The following SERPINA12 variants were observed in gnomAD, a reference collection of about 807,000 sequenced individuals.
The protein encoded by SERPINA12 is serpin family A member 12, also known as serpin A12.
Under a neutral mutation model 25.9 loss-of-function variants are expected in SERPINA12, and 21 were observed. The observed-to-expected ratio is 0.81, with a 90% CI of 0.58 to 1.17. The LOEUF (loss-of-function observed/expected upper bound fraction) is 1.17. Among genes scored for constraint, SERPINA12 ranks in the 50% most tolerant of loss-of-function variants. SERPINA12 has a pLI of 0.00. For synonymous variants in SERPINA12, 220 were observed against 196.0 expected, an observed-to-expected ratio of 1.12 and a Z score of -1.02; for missense variants, 562 against 508.3, an observed-to-expected ratio of 1.11 and a Z score of -1.02.
chr14:94,496,432 G>A lies in SERPINA12; in HGVS notation c.846C>T (p.His282=), dbSNP rs1166897176. The change falls in exon 3 of 5, where the codon CAC becomes CAT. Residue 282 remains histidine (H), a synonymous_variant. Transcript: ENST00000677451. ...TGTCCACCTGCAATCCCTTCTCCAA[G>A]TGCTTCAGCTTGCCCTCATCAGGAA... ...FILPDEGKLK[H]LEKGLQVDTF... 2 of 1,614,162 alleles carry A rather than the reference G, an allele frequency of 1.2e-6. No homozygotes were observed. Among genetic ancestry groups the A allele is most frequent in the East Asian group, 2.2e-5 (1 of 44,874 alleles).
At chr14:94,500,495 A>G (rs1293572009) in intron 1 of SERPINA12, among the ~76,000 whole-genome samples, 2 of 152,140 alleles carry the variant, frequency 1.3e-5, no homozygotes, top group African/African-American at 4.8e-5. Flanking sequence ...CAGGAGCCAG[A>G]CCTAATCCAA....
At chr14:94,497,541 A>G (rs1411784168) in intron 2 of SERPINA12, among the ~76,000 whole-genome samples, 3 of 152,262 alleles carry the variant, frequency 2.0e-5, no homozygotes, top group African/African-American at 7.2e-5. Flanking sequence ...TGAAAATGAT[A>G]GACTTCATAA....
At chr14:94,503,936 C>T (rs1048128858) in intron 1 of SERPINA12, 2 of 152,222 alleles carry the variant, frequency 1.3e-5, no homozygotes, top group Non-Finnish European at 2.9e-5. Context: ...GGGCAGTAGA[C>T]ATCCATAACA....
upstream of SERPINA12, chr14:94,511,341 G>A (rs1901104896): frequency 1.6e-5 from 15 of 913,224 alleles, no homozygotes; most frequent in Non-Finnish European, 1.8e-5. Context: ...TGAGGTTTGG[G>A]ATAGTGAGTC....
At chr14:94,505,477 G>A (rs989803333) in intron 1 of SERPINA12, among the ~76,000 whole-genome samples, 2 of 152,214 alleles carry the variant, frequency 1.3e-5, no homozygotes, top group Non-Finnish European at 2.9e-5. Context: ...GGCGAGATGA[G>A]AGACTTCACA....
At chr14:94,489,576 G>T (rs551154153) in intron 4 of SERPINA12, 44 bp downstream of exon 4, 16 of 1,597,432 alleles carry the variant, frequency 1.0e-5, no homozygotes, top group African/African-American at 1.3e-5. Flanking sequence ...CTGGGGGAAG[G>T]CCCCTGTGCT....
intron 1 of SERPINA12, chr14:94,500,938 C>A: frequency 1.0e-6 from 1 of 982,572 alleles, no homozygotes; most frequent in Non-Finnish European, 1.2e-6. Context: ...TGCTCTCATG[C>A]CTTCGTAGCT....
At chr14:94,495,408 A>T (rs1314315075) in intron 3 of SERPINA12, among the ~76,000 whole-genome samples, 2 of 152,122 alleles carry the variant, frequency 1.3e-5, no homozygotes, top group East Asian at 3.9e-4. Context: ...CTCTAGATAT[A>T]AGAGATGCAT....
upstream of SERPINA12, among the ~76,000 whole-genome samples, chr14:94,513,152 G>A (rs1901151381): frequency 6.6e-6 from 1 of 152,218 alleles, no homozygotes; most frequent in Non-Finnish European, 1.5e-5. Context: ...ATAAGCGAAA[G>A]CAGGCTGATA....
upstream of SERPINA12, among the ~76,000 whole-genome samples, chr14:94,512,918 T>C (rs1350936062): frequency 1.3e-5 from 2 of 152,204 alleles, no homozygotes; most frequent in East Asian, 3.8e-4. Context: ...AAGGGCCAAG[T>C]CACAGAGAAG....
intron 1 of SERPINA12, among the ~76,000 whole-genome samples, chr14:94,501,666 GC>G (rs1173332271): frequency 4.3e-5 from 2 of 46,278 alleles, no homozygotes; most frequent in South Asian, 7.1e-4. Context: ...CCACCTCCCC[GC>G]CCCCCCACCC....
intron 1 of SERPINA12, among the ~76,000 whole-genome samples, chr14:94,501,583 A>G (rs1423622420): frequency 2.6e-5 from 4 of 152,014 alleles, no homozygotes; most frequent in Non-Finnish European, 5.9e-5. Context: ...ATCTTCATCT[A>G]TTAAATGAGG....
rs569489203 is a variant in SERPINA12, at chr14:94,503,370, A to G, written c.-33-4940T>C. On this transcript the variant is annotated intron_variant, in intron 1 of 4. Transcript: ENST00000677451. ...AGATTTCTGCCTTCATTCCTTAAGA[A>G]ATATGTTTGAGTCCTCACTCTGTGT... The G allele has an allele frequency of 5.5e-5, 53 of 965,732 alleles. No individual in the cohort carries two copies. In the African/African-American group the frequency reaches 9.0e-4, roughly 16 times the overall value. The allele number at this position is 965,732 out of a possible 1,614,324, so 59.8% of individuals were successfully genotyped here.
chr14:94,497,792 C>A lies in SERPINA12; in HGVS notation c.606G>T (p.Met202Ile). 2 of 1,607,994 alleles carry A rather than the reference C, an allele frequency of 1.2e-6. No homozygotes were observed. Among genetic ancestry groups the A allele is most frequent in the Non-Finnish European group, 1.7e-6 (2 of 1,177,664 alleles). ...GAAAGAAAATATAATTTGCAAGAAG[C>A]ATCACAGTGCCGGGGTCTATATTCT... ...LIENIDPGTV[M>I]LLANYIFFRA... Residue 202 changes from methionine to isoleucine, a missense_variant, in exon 2 of 5, where the codon ATG (methionine) becomes ATT (isoleucine). By Grantham distance (10) the Met-to-Ile change is conservative. Coordinates refer to ENST00000677451, the MANE Select transcript of SERPINA12 (RefSeq NM_001382267.1).
chr14:94,507,922 T>A (rs1452721974), intron 1 of SERPINA12, among the ~76,000 whole-genome samples: 3 of 152,346 alleles, frequency 2.0e-5, no homozygotes, highest in African/African-American at 7.2e-5. Context: ...GTGATAGACC[T>A]AAAGTGGAAA....
chr14:94,491,731 T>C (rs1595685796), intron 3 of SERPINA12, among the ~76,000 whole-genome samples: 2 of 152,106 alleles, frequency 1.3e-5, no homozygotes, highest in Non-Finnish European at 2.9e-5. Flanking sequence ...TCACCACTGA[T>C]TGAGATGGGC....
At chr14:94,488,500 G>A (rs888697094) in intron 4 of SERPINA12, among the ~76,000 whole-genome samples, 7 of 152,018 alleles carry the variant, frequency 4.6e-5, no homozygotes, top group African/African-American at 7.2e-5. Flanking sequence ...AAGTAGGGTT[G>A]CCAGGTGAAA....
chr14:94,491,481 G>A (rs1025214693), intron 3 of SERPINA12, among the ~76,000 whole-genome samples: 4 of 152,108 alleles, frequency 2.6e-5, no homozygotes, highest in African/African-American at 9.7e-5. Context: ...CCTCTGTTAA[G>A]AATATACTCT....
Position 94,501,022 on chromosome 14 carries a change from CT to C in SERPINA12, c.-33-2593del, listed in dbSNP as rs543096286. 144 of 985,286 alleles carry C rather than the reference CT, an allele frequency of 1.5e-4. No homozygotes were observed. In the South Asian group the frequency reaches 6.2e-3, roughly 42 times the overall value. The allele number at this position is 985,286 out of a possible 1,614,324, so 61.0% of individuals were successfully genotyped here. On this transcript the variant is annotated intron_variant, in intron 1 of 4. Transcript: ENST00000677451. ...AAGCACCTTCTACCCCCAAAAACCA[CT>C]TCTTGGTAAAACTTAATAACAGCTG...
Sources: gnomAD v4.1 joint callset for allele counts (sites outside exome capture counted in the v4.1 genomes callset) on GRCh38, gnomAD v4.1.1 for gene constraint, MANE v1.5 for transcripts, NCBI Gene and HGNC (gene_info 2026-07-23, HGNC 2026-07-21) for gene names.